The following RBFOX2 variants were observed in gnomAD, a reference collection of about 807,000 sequenced individuals.
The protein encoded by RBFOX2 is RNA binding fox-1 homolog 2, also known as RNA binding protein fox-1 homolog 2.
A neutral mutation model predicts 49.1 loss-of-function variants in RBFOX2; 10 were observed. That is an observed-to-expected ratio of 0.20 (90% confidence interval 0.13 to 0.35). The LOEUF is 0.35. Ranked by LOEUF, RBFOX2 falls within the 10% of genes least tolerant of loss-of-function variation. The pLI is 1.00. For missense variants in RBFOX2, 323 were observed against 486.9 expected (o/e 0.66, Z 3.17); for synonymous variants, 183 against 187.4 (o/e 0.98, Z 0.19).
At chr22:35,896,350 T>C (rs2047840424) in intron 1 of RBFOX2, among the ~76,000 whole-genome samples, 2 of 152,188 alleles carry the variant, frequency 1.3e-5, no homozygotes, top group Non-Finnish European at 2.9e-5. Flanking sequence ...TTGAGGAATA[T>C]TCCACTCCTT....
At chr22:35,989,037 C>T (rs1318023774) in intron 1 of RBFOX2, among the ~76,000 whole-genome samples, 1 of 152,140 alleles carries the variant, frequency 6.6e-6, no homozygotes, top group Admixed American at 6.5e-5. Flanking sequence ...TTAAAAAGAG[C>T]AGATAAGGAG....
chr22:35,985,671 T>C (rs1005407458), intron 1 of RBFOX2, among the ~76,000 whole-genome samples: 3 of 152,130 alleles, frequency 2.0e-5, no homozygotes, highest in Admixed American at 2.0e-4. Context: ...AATCTTTAAG[T>C]CCTCCCTAAT....
chr22:35,781,836 T>C (rs550482802), intron 2 of RBFOX2, 90 bp from the exon 4 acceptor site: 1 of 1,525,802 alleles, frequency 6.6e-7, no homozygotes, highest in African/African-American at 1.4e-5. Context: ...CCAAACAGGG[T>C]ATGTTTAAGC....
intron 1 of RBFOX2, among the ~76,000 whole-genome samples, chr22:35,874,524 A>G (rs2044766973): frequency 1.3e-5 from 2 of 152,236 alleles, no homozygotes; most frequent in African/African-American, 2.4e-5. Flanking sequence ...GAAATTTGAC[A>G]TAACAATCTT....
At chr22:35,798,847 A>G (rs2147805934) in intron 2 of RBFOX2, among the ~76,000 whole-genome samples, 1 of 152,338 alleles carries the variant, frequency 6.6e-6, no homozygotes, top group Middle Eastern at 3.4e-3. Flanking sequence ...AGACTCAATA[A>G]CATGCTATGT....
At chr22:35,960,988 T>C (rs1443147163) in intron 1 of RBFOX2, among the ~76,000 whole-genome samples, 1 of 152,118 alleles carries the variant, frequency 6.6e-6, no homozygotes, top group Non-Finnish European at 1.5e-5. Flanking sequence ...CTCTTAGTCA[T>C]ACCAAAAGAA....
At position 35,916,713 on chromosome 22, in the gene RBFOX2, T is replaced by C. The variant is rs549363713; in HGVS notation, c.-34+22134A>G. Among the ~76,000 whole-genome samples, 3 of 152,004 alleles carry C rather than the reference T, an allele frequency of 2.0e-5. No homozygotes were observed. In the East Asian group the frequency reaches 5.8e-4, roughly 30 times the overall value. ...AAGCTCGAGACCAGCCTGGCCATCA[T>C]GATGAAACCGTCTCTACTAAAAATA... On this transcript the variant is annotated intron_variant, in intron 1 of 13. Coordinates refer to the RBFOX2 transcript ENST00000359369.
chr22:35,744,559 T>C (rs919287298), intron 11 of RBFOX2, among the ~76,000 whole-genome samples: 1 of 152,224 alleles, frequency 6.6e-6, no homozygotes, highest in African/African-American at 2.4e-5. Context: ...CGCAAAGAGT[T>C]TGATTTTTAA....
chr22:35,778,999 C>T (rs1165152780), intron 3 of RBFOX2, among the ~76,000 whole-genome samples: 1 of 152,180 alleles, frequency 6.6e-6, no homozygotes, highest in Non-Finnish European at 1.5e-5. Context: ...ACATGCTATT[C>T]ACCACTTTAA....
intron 1 of RBFOX2, among the ~76,000 whole-genome samples, chr22:35,976,414 T>TA (rs1378688864): frequency 6.6e-6 from 1 of 150,856 alleles, no homozygotes; most frequent in Non-Finnish European, 1.5e-5. Flanking sequence ...GAGAGATAAT[T>TA]ACACTTGATC....
chr22:35,796,258 T>C (rs554890727), intron 2 of RBFOX2, among the ~76,000 whole-genome samples: 1 of 152,328 alleles, frequency 6.6e-6, no homozygotes, highest in South Asian at 2.1e-4. Context: ...CCATTGTTAT[T>C]TATGGCATTA....
intron 1 of RBFOX2, among the ~76,000 whole-genome samples, chr22:35,921,954 C>A (rs994457519): frequency 3.3e-5 from 5 of 152,110 alleles, no homozygotes; most frequent in African/African-American, 1.2e-4. Context: ...CTCCTCCCAC[C>A]CTAGGGCCAA....
At chr22:35,751,107 T>C (rs1030026982) in intron 9 of RBFOX2, among the ~76,000 whole-genome samples, 2 of 152,238 alleles carry the variant, frequency 1.3e-5, no homozygotes, top group Admixed American at 6.5e-5. Flanking sequence ...CAAAATACAA[T>C]AGAATATAAT....
chr22:35,887,920 C>T (rs1448413113), intron 1 of RBFOX2, among the ~76,000 whole-genome samples: 1 of 152,136 alleles, frequency 6.6e-6, no homozygotes, highest in African/African-American at 2.4e-5. Context: ...ACCCCTGTGG[C>T]AATTCTCCAG....
chr22:35,915,698 C>T (rs2050333386), intron 1 of RBFOX2, among the ~76,000 whole-genome samples: 1 of 152,172 alleles, frequency 6.6e-6, no homozygotes, highest in African/African-American at 2.4e-5. Context: ...ACCTGGAAGT[C>T]CTTTTACAGT....
rs139603286 is a variant in RBFOX2 at position 35,857,980 on chromosome 22, G to A, written c.-33-47976C>T. ...ATATCAGAGGTGAATATATAACAATGCCAAGTAGAAATCTAGAAAGGTTAA... is the reference window on the plus strand; with the variant it reads ...ATATCAGAGGTGAATATATAACAATACCAAGTAGAAATCTAGAAAGGTTAA... On this transcript the variant is annotated intron_variant, in intron 1 of 13. Transcript: ENST00000359369. 1.2e-3 allele frequency among the ~76,000 whole-genome samples: 185 copies of A among 152,272 alleles called. 1 individual carries two copies. Among genetic ancestry groups the A allele is most frequent in the African/African-American group, 4.3e-3 (179 of 41,556 alleles).
intron 1 of RBFOX2, among the ~76,000 whole-genome samples, chr22:36,025,676 C>A (rs184756397): frequency 1.3e-5 from 2 of 152,230 alleles, no homozygotes; most frequent in Admixed American, 1.3e-4. Context: ...CATTTGTCTC[C>A]CCACATAGAT....
chr22:35,979,645 T>C (rs1936901660), intron 1 of RBFOX2, among the ~76,000 whole-genome samples: 1 of 152,140 alleles, frequency 6.6e-6, no homozygotes, highest in Admixed American at 6.6e-5. Context: ...TCCAGGAGTT[T>C]GGGGTGTTTT....
intron 1 of RBFOX2, among the ~76,000 whole-genome samples, chr22:35,914,603 C>T (rs1246598306): frequency 6.6e-6 from 1 of 152,188 alleles, no homozygotes; most frequent in Non-Finnish European, 1.5e-5. Flanking sequence ...AAGCTAACTG[C>T]AATGTCTGCC....
Sources: gnomAD v4.1 joint callset for allele counts (sites outside exome capture counted in the v4.1 genomes callset) on GRCh38, gnomAD v4.1.1 for gene constraint, MANE v1.5 for transcripts, NCBI Gene and HGNC (gene_info 2026-07-23, HGNC 2026-07-21) for gene names.